SEMA3A: variants seen among roughly 807,000 people sequenced by gnomAD.
The protein encoded by SEMA3A is semaphorin 3A, also known as semaphorin-3A.
SEMA3A carries 29 observed loss-of-function variants against 97.9 expected under a neutral mutation model. The ratio of observed to expected loss-of-function variants is 0.30; its 90% CI spans 0.22 to 0.40. The LOEUF (loss-of-function observed/expected upper bound fraction) is 0.40, where lower values mean the gene tolerates loss of function less well. Among genes scored for constraint, SEMA3A ranks in the 10% least tolerant of loss-of-function variants. The pLI, the probability that SEMA3A is intolerant of heterozygous loss-of-function variation, is 1.00. For missense variants in SEMA3A, 763 were observed against 951.3 expected (o/e 0.80, Z 2.60); for synonymous variants, 321 against 323.7 (o/e 0.99, Z 0.09).
intron 6 of SEMA3A, among the ~76,000 whole-genome samples, chr7:84,041,810 C>T (rs1792142775): frequency 6.6e-6 from 1 of 151,924 alleles, no homozygotes; most frequent in African/African-American, 2.4e-5. Context: ...GGCTTTTTCC[C>T]CAAAGGTCAG....
At chr7:84,391,374 G>A (rs1209223286) in intron 1 of SEMA3A, among the ~76,000 whole-genome samples, 1 of 152,124 alleles carries the variant, frequency 6.6e-6, no homozygotes, top group Non-Finnish European at 1.5e-5. Flanking sequence ...GGAAATCCCT[G>A]AGCCTCCATG....
At position 84,444,616 on chromosome 7, in the gene SEMA3A, C is replaced by G. The variant is rs1384839986; in HGVS notation, c.-246+47844G>C. On this transcript the variant is annotated intron_variant, in intron 1 of 3. Transcript: ENST00000424555. ...TGGCTCTGTCTCCCAGTCTGGAGTACAGTGACGCGATCTCGGCTCACTGCA... is the reference window on the plus strand; with the variant it reads ...TGGCTCTGTCTCCCAGTCTGGAGTAGAGTGACGCGATCTCGGCTCACTGCA... Among the ~76,000 whole-genome samples, 3 of 148,078 alleles carry G rather than the reference C, an allele frequency of 2.0e-5. No individual in the cohort carries two copies. The South Asian group carries it at 6.4e-4, about 32-fold the overall frequency.
chr7:84,407,394 G>A (rs1804124709), intron 1 of SEMA3A, among the ~76,000 whole-genome samples: 1 of 151,982 alleles, frequency 6.6e-6, no homozygotes. Context: ...AAATAAAAGA[G>A]GATACAAACA....
chr7:84,361,451 G>A (rs1802717067), intron 2 of SEMA3A, among the ~76,000 whole-genome samples: 1 of 151,980 alleles, frequency 6.6e-6, no homozygotes, highest in Non-Finnish European at 1.5e-5. Flanking sequence ...GCAAGGTAGA[G>A]GAAATTCTAC....
At chr7:84,078,637 A>G (rs1489335379) in intron 4 of SEMA3A, among the ~76,000 whole-genome samples, 3 of 152,072 alleles carry the variant, frequency 2.0e-5, no homozygotes. Flanking sequence ...GTTAATGGAA[A>G]CGTCAAAGTG....
chr7:84,053,902 G>T (rs1213661139), intron 5 of SEMA3A, among the ~76,000 whole-genome samples: 2 of 135,488 alleles, frequency 1.5e-5, no homozygotes, highest in African/African-American at 5.1e-5. Flanking sequence ...TTTTAGGGCA[G>T]GCCTGGTGGT....
At chr7:84,181,768 A>AAACT (rs1359341717) in intron 1 of SEMA3A, among the ~76,000 whole-genome samples, 1 of 152,172 alleles carries the variant, frequency 6.6e-6, no homozygotes, top group African/African-American at 2.4e-5. Context: ...TTTTAAGCTA[A>AAACT]AACTATACCT....
rs542903217 is a variant in SEMA3A, at chr7:84,404,778, C to T, written c.-245-32878G>A. Among the ~76,000 whole-genome samples, 11 of 152,230 alleles carry T rather than the reference C, an allele frequency of 7.2e-5. No individual in the cohort carries two copies. In the East Asian group the frequency reaches 2.1e-3, roughly 29 times the overall value. ...GGAAAGAATTTTCAACCCAGAATTT[C>T]ATATCCAGCCAAACTAAGCTTCATA... On this transcript the variant is annotated intron_variant, in intron 1 of 3. Coordinates refer to the SEMA3A transcript ENST00000424555.
At chr7:84,328,036 T>C (rs1175826221) in intron 2 of SEMA3A, among the ~76,000 whole-genome samples, 6 of 152,038 alleles carry the variant, frequency 3.9e-5, no homozygotes, top group Admixed American at 3.3e-4. Context: ...TTCGAGTTTA[T>C]GAATTAAATC....
chr7:84,463,237 C>CTTTTTTTTTTTTTTTTTTTTTTT (rs59465422), intron 1 of SEMA3A, among the ~76,000 whole-genome samples: 1 of 71,348 alleles, frequency 1.4e-5, no homozygotes. Flanking sequence ...TGTAACTATT[C>CTTTTTTTTTTTTTTTTTTTTTTT]TTTTTTTTTT....
At chr7:84,309,235 C>T (rs1230005421) in intron 2 of SEMA3A, among the ~76,000 whole-genome samples, 4 of 151,996 alleles carry the variant, frequency 2.6e-5, no homozygotes, top group Middle Eastern at 3.4e-3. Flanking sequence ...TGTTGAGTTC[C>T]GGAGAGGATA....
At chr7:84,353,030 C>G (rs1218906513) in intron 2 of SEMA3A, among the ~76,000 whole-genome samples, 1 of 151,732 alleles carries the variant, frequency 6.6e-6, no homozygotes, top group African/African-American at 2.4e-5. Context: ...CACAGAATCT[C>G]AAGTCACAGA....
chr7:84,429,593 T>C (rs549781619), intron 1 of SEMA3A, among the ~76,000 whole-genome samples: 1 of 137,044 alleles, frequency 7.3e-6, no homozygotes, highest in Middle Eastern at 3.9e-3. Flanking sequence ...GTATCTAGTG[T>C]ATCTGATTAC....
intron 4 of SEMA3A, among the ~76,000 whole-genome samples, chr7:84,074,362 T>C (rs1243664317): frequency 6.6e-6 from 1 of 152,152 alleles, no homozygotes; most frequent in Non-Finnish European, 1.5e-5. Context: ...CAATATACAT[T>C]GTGGGAAGAT....
intron 3 of SEMA3A, among the ~76,000 whole-genome samples, chr7:84,300,506 A>T (rs1384015055): frequency 6.6e-6 from 1 of 152,166 alleles, no homozygotes; most frequent in African/African-American, 2.4e-5. Context: ...AAATCAGAAT[A>T]TATTAAATGT....
intron 4 of SEMA3A, among the ~76,000 whole-genome samples, chr7:84,069,138 C>T (rs1793650369): frequency 6.6e-6 from 1 of 152,012 alleles, no homozygotes; most frequent in South Asian, 2.1e-4. Context: ...GATAAAATGA[C>T]ACTTCTTACA....
At chr7:84,244,168 T>A (rs1450289881) in intron 3 of SEMA3A, among the ~76,000 whole-genome samples, 1 of 151,946 alleles carries the variant, frequency 6.6e-6, no homozygotes, top group Non-Finnish European at 1.5e-5. Flanking sequence ...TCTGTCTCAT[T>A]GATCTAATAT....
chr7:84,477,133 C>G (rs1018190341), intron 1 of SEMA3A, among the ~76,000 whole-genome samples: 2 of 147,962 alleles, frequency 1.4e-5, no homozygotes, highest in African/African-American at 2.5e-5. Flanking sequence ...ATCACTATTT[C>G]AACAATTAAA....
intron 2 of SEMA3A, among the ~76,000 whole-genome samples, chr7:84,327,724 T>C (rs1801804624): frequency 6.6e-6 from 1 of 151,970 alleles, no homozygotes; most frequent in Admixed American, 6.6e-5. Flanking sequence ...ATTTTATAAC[T>C]TTCACCACTG....
Sources: allele counts gnomAD v4.1 joint callset (sites outside exome capture counted in the v4.1 genomes callset), GRCh38; gene constraint gnomAD v4.1.1; transcripts MANE v1.5; gene names NCBI Gene and HGNC (gene_info 2026-07-23, HGNC 2026-07-21).